The following LHX8 variants were observed in gnomAD, a reference collection of about 807,000 sequenced individuals.
The protein encoded by LHX8 is LIM/homeobox protein Lhx8.
Under a neutral mutation model 40.3 loss-of-function variants are expected in LHX8, and 12 were observed. The observed-to-expected ratio is 0.30, with a 90% CI of 0.19 to 0.48. The LOEUF (loss-of-function observed/expected upper bound fraction) is 0.48. LHX8 is among the 20% of genes least tolerant of loss of function. The probability of loss-of-function intolerance (pLI) is 0.99; values close to 1 mark genes in which losing one functional copy is unlikely to be tolerated. For synonymous variants in LHX8, 179 were observed against 162.0 expected, an observed-to-expected ratio of 1.10 and a Z score of -0.80; for missense variants, 344 against 433.7, an observed-to-expected ratio of 0.79 and a Z score of 1.84.
intron 5 of LHX8, among the ~76,000 whole-genome samples, chr1:75,143,601 C>T (rs948127463): frequency 5.3e-5 from 8 of 152,064 alleles, no homozygotes; most frequent in Non-Finnish European, 1.0e-4. Flanking sequence ...AGTTGTTTTC[C>T]TGTATTTGCT....
At chr1:75,174,399 A>G in the LHX8 span, among the ~76,000 whole-genome samples, 2 of 152,178 alleles carry the variant, frequency 1.3e-5, no homozygotes. Flanking sequence ...CACCCTGGAT[A>G]TACTCAGCTA....
chr1:75,186,647 C>T, the LHX8 span, among the ~76,000 whole-genome samples: 6 of 152,232 alleles, frequency 3.9e-5, no homozygotes, highest in South Asian at 1.2e-3. Flanking sequence ...CAGCAAGGTC[C>T]TTCAAATTAA....
At chr1:75,181,374 G>A in the LHX8 span, among the ~76,000 whole-genome samples, 3 of 152,258 alleles carry the variant, frequency 2.0e-5, no homozygotes, top group African/African-American at 7.2e-5. Context: ...CACCCAGTTC[G>A]AGCTTCCTGG....
At chr1:75,168,052 T>A in the LHX8 span, among the ~76,000 whole-genome samples, 2 of 152,112 alleles carry the variant, frequency 1.3e-5, no homozygotes, top group Non-Finnish European at 2.9e-5. Context: ...GGCTGCAGAG[T>A]CTTTTTATTT....
downstream of LHX8, among the ~76,000 whole-genome samples, chr1:75,164,568 C>T (rs969138910): frequency 3.9e-5 from 6 of 152,124 alleles, no homozygotes; most frequent in African/African-American, 1.4e-4. Context: ...ATTACATCTC[C>T]ACCAGCAGTG....
At chr1:75,135,121 G>C (rs560421396) in intron 1 of LHX8, among the ~76,000 whole-genome samples, 167 bp downstream of exon 1, 1 of 152,284 alleles carries the variant, frequency 6.6e-6, no homozygotes, top group South Asian at 2.1e-4. Context: ...CGGGGCTCCA[G>C]AAAGGCCTCC....
At chr1:75,154,248 C>T (rs367585836) in intron 7 of LHX8, among the ~76,000 whole-genome samples, 3 of 152,154 alleles carry the variant, frequency 2.0e-5, no homozygotes, top group South Asian at 2.1e-4. Context: ...TTTGCTCTAC[C>T]AGTTAGTTAC....
chr1:75,156,141 G>C (rs1648757660), intron 7 of LHX8, among the ~76,000 whole-genome samples: 1 of 152,090 alleles, frequency 6.6e-6, no homozygotes, highest in Non-Finnish European at 1.5e-5. Context: ...TGCTGTTTTA[G>C]TATAGAATTG....
At chr1:75,135,364 T>C (rs960582764) in intron 1 of LHX8, among the ~76,000 whole-genome samples, 1 of 152,194 alleles carries the variant, frequency 6.6e-6, no homozygotes, top group Non-Finnish European at 1.5e-5. Context: ...ATTTCTTTGC[T>C]CCGAAGCCGG....
At chr1:75,184,418 C>T in the LHX8 span, among the ~76,000 whole-genome samples, 1 of 152,130 alleles carries the variant, frequency 6.6e-6, no homozygotes, top group South Asian at 2.1e-4. Context: ...ATACCAAACA[C>T]ACTTTCAAAC....
the LHX8 span, among the ~76,000 whole-genome samples, chr1:75,181,459 G>C: frequency 2.0e-5 from 3 of 152,096 alleles, no homozygotes; most frequent in Non-Finnish European, 2.9e-5. Context: ...GTTCGATCTC[G>C]GACTAGGAGT....
the LHX8 span, among the ~76,000 whole-genome samples, chr1:75,179,598 G>T: frequency 2.0e-5 from 3 of 149,918 alleles, no homozygotes; most frequent in African/African-American, 7.4e-5. Context: ...ACATGAGATG[G>T]GTCTCCTGAA....
chr1:75,150,295 G>C (rs934437946), intron 7 of LHX8, among the ~76,000 whole-genome samples: 1 of 152,202 alleles, frequency 6.6e-6, no homozygotes, highest in African/African-American at 2.4e-5. Context: ...TGGTGCCATT[G>C]ACAGGAATGT....
At chr1:75,169,468 T>C in the LHX8 span, among the ~76,000 whole-genome samples, 1 of 152,150 alleles carries the variant, frequency 6.6e-6, no homozygotes, top group Non-Finnish European at 1.5e-5. Context: ...TGGTGGCTAC[T>C]GAAGTGAGGT....
At chr1:75,187,245 G>GCC in the LHX8 span, among the ~76,000 whole-genome samples, 1 of 152,032 alleles carries the variant, frequency 6.6e-6, no homozygotes, top group Non-Finnish European at 1.5e-5. Flanking sequence ...GCAAAACTTG[G>GCC]CCCCAGTAAA....
At chr1:75,153,726 A>G (rs2100355929) in intron 7 of LHX8, among the ~76,000 whole-genome samples, 1 of 152,244 alleles carries the variant, frequency 6.6e-6, no homozygotes. Context: ...GGCCTTTCTT[A>G]TGCTTCCCTA....
At position 75,134,397 on chromosome 1, in the gene LHX8, T is replaced by C. The variant is rs145504795; in HGVS notation, c.-570T>C. Among the ~76,000 whole-genome samples, 1 of 152,112 alleles carries C rather than the reference T, an allele frequency of 6.6e-6. No homozygotes were observed. The highest frequency in any genetic ancestry group is 1.9e-4 in the East Asian group (1 of 5,152). On this transcript the variant is annotated 5_prime_UTR_variant, in exon 1 of 9. Coordinates refer to ENST00000356261, the MANE Select transcript of LHX8 (RefSeq NM_001256114.2). ...GACTCAGGAAAAGCTCAGTGCTCACTTCACTCAGAGCTCAGTGAAGCTGGG... is the reference window on the plus strand; with the variant it reads ...GACTCAGGAAAAGCTCAGTGCTCACCTCACTCAGAGCTCAGTGAAGCTGGG...
chr1:75,187,264 A>G, the LHX8 span, among the ~76,000 whole-genome samples: 1 of 152,170 alleles, frequency 6.6e-6, no homozygotes, highest in African/African-American at 2.4e-5. Flanking sequence ...AAGTTTGAAA[A>G]CTACCAAATG....
intron 4 of LHX8, among the ~76,000 whole-genome samples, chr1:75,142,617 T>G (rs1337501695): frequency 1.3e-5 from 2 of 151,252 alleles, no homozygotes; most frequent in African/African-American, 4.8e-5. Context: ...AATTTCAACA[T>G]TAAATATTTA....
Sources: allele counts gnomAD v4.1 joint callset (sites outside exome capture counted in the v4.1 genomes callset), GRCh38; gene constraint gnomAD v4.1.1; transcripts MANE v1.5; gene names NCBI Gene and HGNC (gene_info 2026-07-23, HGNC 2026-07-21).